DICER1: variants seen among roughly 807,000 people sequenced by gnomAD.
DICER1 encodes dicer 1, ribonuclease III.
In DICER1, 43 loss-of-function variants were observed where a neutral mutation model predicts 194.1. The observed-to-expected ratio is 0.22, with a 90% CI of 0.17 to 0.29. The LOEUF (loss-of-function observed/expected upper bound fraction) is 0.29. Ranked by LOEUF, DICER1 falls within the 10% of genes least tolerant of loss-of-function variation. The pLI is 1.00. For missense variants in DICER1, 1,608 were observed against 2,317.0 expected, an observed-to-expected ratio of 0.69 and a Z score of 6.28; for synonymous variants, 832 against 820.5, an observed-to-expected ratio of 1.01 and a Z score of -0.24.
chr14:95,126,031 C>T (rs73331522), intron 7 of DICER1, among the ~76,000 whole-genome samples: 4,988 of 152,030 alleles, frequency 0.033, 301 homozygotes, highest in African/African-American at 0.11. Flanking sequence ...CAGTGGTTCT[C>T]GAGCTTTAAT....
chr14:95,137,535 G>C (rs555060602), intron 1 of DICER1, among the ~76,000 whole-genome samples: 39 of 143,726 alleles, frequency 2.7e-4, no homozygotes, highest in Non-Finnish European at 5.0e-4. Context: ...AGGGGAAAGG[G>C]AAAGAAAAAG....
At chr14:95,117,180 A>C (rs1031024539) in intron 9 of DICER1, among the ~76,000 whole-genome samples, 1 of 152,168 alleles carries the variant, frequency 6.6e-6, no homozygotes, top group African/African-American at 2.4e-5. Context: ...TTTAAGCTAA[A>C]ATCTATAAAA....
At chr14:95,129,292 G>A (rs530830635) in intron 6 of DICER1, 180 bp downstream of exon 6, 25 of 591,532 alleles carry the variant, frequency 4.2e-5, no homozygotes, top group East Asian at 2.6e-4. Flanking sequence ...TGGAAACAAC[G>A]TTAGATTCTT....
intron 1 of DICER1, among the ~76,000 whole-genome samples, chr14:95,134,839 G>C (rs910889822): frequency 1.3e-5 from 2 of 152,144 alleles, no homozygotes; most frequent in Non-Finnish European, 2.9e-5. Flanking sequence ...AAGTACCACA[G>C]AGTACTTTAT....
chr14:95,108,930 T>C (rs1891706066), intron 14 of DICER1, among the ~76,000 whole-genome samples: 1 of 152,194 alleles, frequency 6.6e-6, no homozygotes. Flanking sequence ...ATCCTATCAC[T>C]CAAAGACAGC....
chr14:95,102,931 T>C (rs1040568289), intron 21 of DICER1, among the ~76,000 whole-genome samples: 1 of 152,342 alleles, frequency 6.6e-6, no homozygotes, highest in Middle Eastern at 3.4e-3. Context: ...TACTCATGTC[T>C]GTATGCCTTG....
chr14:95,154,733 G>A (rs551184478), intron 1 of DICER1, among the ~76,000 whole-genome samples: 3 of 152,182 alleles, frequency 2.0e-5, no homozygotes, highest in Non-Finnish European at 4.4e-5. Flanking sequence ...AATGAGGACA[G>A]TTTGAGTTGG....
intron 8 of DICER1, among the ~76,000 whole-genome samples, chr14:95,121,025 G>A (rs913249545): frequency 3.3e-5 from 5 of 152,176 alleles, no homozygotes; most frequent in Admixed American, 2.0e-4. Context: ...TTTTGTGGTT[G>A]ATACCATGAG....
chr14:95,129,672 T>C (rs756785521), intron 5 of DICER1, 40 bp from the exon 6 acceptor site: 4 of 1,573,894 alleles, frequency 2.5e-6, no homozygotes, highest in Non-Finnish European at 1.7e-6. Flanking sequence ...GACTTCATTT[T>C]GCAAGGCTAT....
At chr14:95,116,746 T>C in intron 9 of DICER1, 51 bp from the exon 10 acceptor site, 1 of 1,574,112 alleles carries the variant, frequency 6.4e-7, no homozygotes, top group Non-Finnish European at 8.7e-7. Context: ...ATTTCTAAAA[T>C]GAACAAAAAA....
At chr14:95,133,648 G>A (rs1253241280) in intron 1 of DICER1, 145 bp from the exon 2 acceptor site, 4 of 679,966 alleles carry the variant, frequency 5.9e-6, no homozygotes, top group Non-Finnish European at 9.9e-6. Flanking sequence ...CTTGATCTAA[G>A]AGGATCATTT....
rs559078811 is a variant in DICER1, at chr14:95,103,836, C to T, written c.3560G>A (p.Gly1187Asp). Residue 1187 changes from glycine to aspartate, a missense_variant, in exon 21 of 27, where the codon GGC becomes GAC. By Grantham distance (94) the Gly-to-Asp change is moderately conservative (BLOSUM62 -1). Around this residue, in one of 10 missense-constraint regions of DICER1, gnomAD observed 222 missense variants for 215.5 expected, o/e 1.03. Coordinates refer to ENST00000343455, the MANE Select transcript of DICER1 (RefSeq NM_177438.3). ...GTCTCTGTTAGCTAAATCATAACTG[C>T]CATTGGCGAGATTTTGATTGTAAGA... ...GLSYNQNLAN[G>D]SYDLANRDFC... is the part of the protein sequence containing the mutation. The T allele has an allele frequency of 6.2e-6, 10 of 1,614,144 alleles. No individual in the cohort carries two copies. Among genetic ancestry groups the T allele is most frequent in the Middle Eastern group, 3.3e-4 (2 of 6,062 alleles).
intron 23 of DICER1, chr14:95,095,262 G>A (rs1890206618): frequency 6.3e-6 from 1 of 158,978 alleles, no homozygotes; most frequent in Non-Finnish European, 1.4e-5. Flanking sequence ...CTAATGGGTT[G>A]ACAGTCTATT....
At position 95,095,812 on chromosome 14, in the gene DICER1, G is replaced by A. The variant is rs116247322; in HGVS notation, c.5095+13C>T. 1,751 of 1,613,750 alleles carry A rather than the reference G, an allele frequency of 1.1e-3. 10 individuals carry two copies. In the African/African-American group the frequency reaches 0.018, roughly 17 times the overall value. ...ATTTTCCCAGAAATGAAGTCTGGTC[G>A]TGGGCTCCTTACCAGTGATAGTATT... On this transcript the variant is annotated intron_variant, in intron 23 of 26. Transcript: ENST00000343455.
rs1163766603 is a variant in DICER1, at chr14:95,112,283, C to T, written c.2041-36G>A. 3.2e-6 allele frequency: 5 copies of T among 1,548,858 alleles called. No individual in the cohort carries two copies. The Admixed American group carries it at 5.0e-5, about 16-fold the overall frequency. Reference sequence around the variant, plus strand: ...CAAAAACCTTTCCATTATATATGCACATCGCTGTATTACCTCTAGCACATG... The same window carrying T: ...CAAAAACCTTTCCATTATATATGCATATCGCTGTATTACCTCTAGCACATG... On this transcript the variant is annotated intron_variant, in intron 12 of 26. Coordinates refer to ENST00000343455, the MANE Select transcript of DICER1 (RefSeq NM_177438.3).
chr14:95,108,388 T>C lies in DICER1; in HGVS notation c.2372A>G (p.Lys791Arg), dbSNP rs748518606. Residue 791 changes from lysine to arginine, a missense_variant, in exon 15 of 27, where the codon AAG (lysine) becomes AGG (arginine). This residue lies in a region of DICER1 where 150 missense variants were observed against 216.0 expected (regional missense o/e 0.69). Coordinates refer to ENST00000343455, the MANE Select transcript of DICER1 (RefSeq NM_177438.3). ...LPDELNFRRR[K>R]LYPPEDTTRC... ...TGTGGTATCTTCAGGAGGATAGAGC[T>C]TCCGCCTTCTAAAGTTGAGTTCATC... is the stretch of plus-strand genomic sequence containing the variant. 1 of 1,614,136 alleles carries C rather than the reference T, an allele frequency of 6.2e-7. No homozygotes were observed. The highest frequency in any genetic ancestry group is 1.1e-5 in the South Asian group (1 of 91,084).
At chr14:95,121,233 G>A (rs1892915594) in intron 8 of DICER1, among the ~76,000 whole-genome samples, 1 of 152,132 alleles carries the variant, frequency 6.6e-6, no homozygotes, top group African/African-American at 2.4e-5. Context: ...ACAGACCAGA[G>A]GAAACTGGGT....
At chr14:95,136,814 G>T (rs975418310) in intron 1 of DICER1, 1 of 152,134 alleles carries the variant, frequency 6.6e-6, no homozygotes, top group African/African-American at 2.4e-5. Flanking sequence ...AACCAGCACC[G>T]CAGATGGCAA....
At chr14:95,122,844 T>C (rs9323922) in intron 8 of DICER1, among the ~76,000 whole-genome samples, 27,775 of 152,136 alleles carry the variant, frequency 0.18, 3,623 homozygotes, top group East Asian at 0.38. Context: ...TGCCAGATGA[T>C]GACCCTCGAG....
Sources: gnomAD v4.1 joint callset for allele counts (sites outside exome capture counted in the v4.1 genomes callset) on GRCh38, gnomAD v4.1.1 for gene constraint, gnomAD v4.1.1 regional missense constraint, MANE v1.5 for transcripts, NCBI Gene and HGNC (gene_info 2026-07-23, HGNC 2026-07-21) for gene names.